Variants in CMIP observed in about 807,000 individuals in gnomAD.
CMIP encodes C-Maf-inducing protein.
Under a neutral mutation model 97.3 loss-of-function variants are expected in CMIP, and 13 were observed. The observed-to-expected ratio is 0.13, with a 90% CI of 0.09 to 0.21. The LOEUF (loss-of-function observed/expected upper bound fraction) is 0.21. Ranked by LOEUF, CMIP falls within the 10% of genes least tolerant of loss-of-function variation. The probability of loss-of-function intolerance (pLI) is 1.00; values close to 1 mark genes in which losing one functional copy is unlikely to be tolerated. For synonymous variants in CMIP, 538 were observed against 436.3 expected (o/e 1.23, Z -2.91); for missense variants, 847 against 1,024.9 (o/e 0.83, Z 2.37).
At chr16:81,707,814 G>A (rs1258808044) in intron 20 of CMIP, among the ~76,000 whole-genome samples, 1 of 152,252 alleles carries the variant, frequency 6.6e-6, no homozygotes, top group Admixed American at 6.5e-5. Context: ...GGGCGGGACT[G>A]GCAGAGGGCC....
In CMIP at chr16:81,678,641, C is replaced by A. The variant is rs79505712; in HGVS notation, c.1388+13C>A. The A allele has an allele frequency of 7.8e-3, 10,261 of 1,318,194 alleles. 302 individuals carry two copies. In the East Asian group the frequency reaches 0.082, roughly 11 times the overall value. The allele number at this position is 1,318,194 out of a possible 1,614,324, so 81.7% of individuals were successfully genotyped here. Reference sequence around the variant, plus strand: ...TCCTCAAGCTGCTGTGAGTGCCCCCCCCGCGTGCCCGCCCCCGGGGCCGGT... The same window carrying A: ...TCCTCAAGCTGCTGTGAGTGCCCCCACCGCGTGCCCGCCCCCGGGGCCGGT... On this transcript the variant is annotated intron_variant, in intron 10 of 20. Transcript: ENST00000537098.
intron 1 of CMIP, among the ~76,000 whole-genome samples, chr16:81,598,185 C>T (rs952877380): frequency 6.6e-6 from 1 of 152,000 alleles, no homozygotes; most frequent in African/African-American, 2.4e-5. Context: ...AGGGTATCGC[C>T]TACAACAGAG....
chr16:81,680,297 G>A (rs990458391), intron 10 of CMIP, among the ~76,000 whole-genome samples: 2 of 152,236 alleles, frequency 1.3e-5, no homozygotes, highest in African/African-American at 2.4e-5. Flanking sequence ...GCCTGCTCAG[G>A]GTTTCGAGGG....
In CMIP at chr16:81,678,258, C is replaced by T. The variant is rs75459686; in HGVS notation, c.1035-17C>T. 3,927 of 1,561,828 alleles carry T rather than the reference C, an allele frequency of 2.5e-3. 30 individuals carry two copies. The highest frequency in any genetic ancestry group is 0.025 in the Admixed American group (1,417 of 57,366). On this transcript the variant is annotated splice_polypyrimidine_tract_variant and intron_variant, in intron 9 of 20. Transcript: ENST00000537098. The stretch of plus-strand genomic sequence containing the variant: ...CGGTGCCTGTACTCATGTGCCCTCT[C>T]CCGCCTCTTCCCCCAGCCGCGACAA...
intron 1 of CMIP, among the ~76,000 whole-genome samples, chr16:81,533,544 T>G (rs911189377): frequency 2.0e-5 from 3 of 152,222 alleles, no homozygotes; most frequent in Non-Finnish European, 4.4e-5. Context: ...AGTGGTGTGA[T>G]CTTGGCTCAC....
chr16:81,600,162 C>T (rs1410272952), intron 1 of CMIP, among the ~76,000 whole-genome samples: 1 of 151,140 alleles, frequency 6.6e-6, no homozygotes, highest in African/African-American at 2.4e-5. Context: ...GACTGTAATC[C>T]CAGCTACTCA....
At chr16:81,681,270 C>T (rs1180721662) in intron 10 of CMIP, among the ~76,000 whole-genome samples, 1 of 152,260 alleles carries the variant, frequency 6.6e-6, no homozygotes, top group African/African-American at 2.4e-5. Flanking sequence ...CAGCAGGCTG[C>T]TTAAGTTGCT....
At chr16:81,511,414 T>TAAG (rs2089807382) in intron 1 of CMIP, among the ~76,000 whole-genome samples, 1 of 152,248 alleles carries the variant, frequency 6.6e-6, no homozygotes, top group African/African-American at 2.4e-5. Flanking sequence ...CTGTATTTGC[T>TAAG]TACTGAAGGT....
At chr16:81,517,204 C>G (rs1359922101) in intron 1 of CMIP, among the ~76,000 whole-genome samples, 2 of 101,222 alleles carry the variant, frequency 2.0e-5, no homozygotes, top group Non-Finnish European at 5.1e-5. Flanking sequence ...AGACAGCTTT[C>G]AAGGTCATCA....
chr16:81,447,574 A>C (rs950557603), intron 1 of CMIP, among the ~76,000 whole-genome samples: 1 of 152,186 alleles, frequency 6.6e-6, no homozygotes, highest in Non-Finnish European at 1.5e-5. Flanking sequence ...TCCGGAAAGC[A>C]CCTGTCTAGT....
At chr16:81,463,313 G>T (rs1436791117) in intron 1 of CMIP, among the ~76,000 whole-genome samples, 1 of 152,176 alleles carries the variant, frequency 6.6e-6, no homozygotes, top group Non-Finnish European at 1.5e-5. Context: ...TAAATGACTA[G>T]AGAGGGACAG....
rs192749873 is a variant in CMIP at position 81,514,531 on chromosome 16, T to G, written c.300+68990T>G. Among the ~76,000 whole-genome samples, 73 of 152,260 alleles carry G rather than the reference T, an allele frequency of 4.8e-4. 1 individual carries two copies. The highest frequency in any genetic ancestry group is 1.7e-3 in the African/African-American group (70 of 41,544). ...CTCCATTCTTCATCTGCAAAATGGG[T>G]GTACTGTGAGAATTAGATGGGACAG... On this transcript the variant is annotated intron_variant, in intron 1 of 20. Transcript: ENST00000537098.
At chr16:81,495,402 C>G in intron 1 of CMIP, 1 of 1,564,018 alleles carries the variant, frequency 6.4e-7, no homozygotes, top group Non-Finnish European at 8.7e-7. Flanking sequence ...AACAACAAAC[C>G]AAGCCGGCCG....
chr16:81,629,755 G>C (rs961203743), intron 3 of CMIP, among the ~76,000 whole-genome samples: 1 of 152,356 alleles, frequency 6.6e-6, no homozygotes, highest in African/African-American at 2.4e-5. Context: ...GTGCCACAGC[G>C]CCCAAGGGAG....
At chr16:81,527,066 C>T (rs1220983158) in intron 1 of CMIP, among the ~76,000 whole-genome samples, 2 of 152,146 alleles carry the variant, frequency 1.3e-5, no homozygotes, top group African/African-American at 2.4e-5. Context: ...AGACAACACG[C>T]GCGGGCCAGG....
chr16:81,607,756 G>A (rs936539185), intron 2 of CMIP, 64 bp downstream of exon 2: 46 of 1,564,094 alleles, frequency 2.9e-5, no homozygotes, highest in Middle Eastern at 1.8e-4. Flanking sequence ...TGTGCCCCTC[G>A]TTTCCCTTGG....
At chr16:81,489,291 A>T (rs921598981) in intron 1 of CMIP, among the ~76,000 whole-genome samples, 2 of 152,120 alleles carry the variant, frequency 1.3e-5, no homozygotes, top group East Asian at 1.9e-4. Flanking sequence ...TGCACAGGAG[A>T]GGAGGAGCTG....
At chr16:81,619,034 C>T (rs1222489147) in intron 2 of CMIP, 1 of 152,374 alleles carries the variant, frequency 6.6e-6, no homozygotes, top group African/African-American at 2.4e-5. Flanking sequence ...CTCCGCAACT[C>T]TGGGCAGGGG....
chr16:81,479,483 C>G (rs1908129096), intron 1 of CMIP, among the ~76,000 whole-genome samples: 1 of 152,120 alleles, frequency 6.6e-6, no homozygotes, highest in Non-Finnish European at 1.5e-5. Flanking sequence ...TGAAACTGTC[C>G]CCATTAAATG....
Sources: gnomAD v4.1 joint callset for allele counts (sites outside exome capture counted in the v4.1 genomes callset) on GRCh38, gnomAD v4.1.1 for gene constraint, MANE v1.5 for transcripts, NCBI Gene and HGNC (gene_info 2026-07-23, HGNC 2026-07-21) for gene names.